TYR: variants seen among roughly 807,000 people sequenced by gnomAD.
TYR encodes LB24-AB.
TYR carries 58 observed loss-of-function variants against 51.5 expected under a neutral mutation model. That is an observed-to-expected ratio of 1.13 (90% confidence interval 0.91 to 1.40). The LOEUF is 1.40. Ranked by LOEUF, TYR falls within the 40% of genes most tolerant of loss-of-function variation. The probability of loss-of-function intolerance (pLI) is 0.00; values close to 1 mark genes in which losing one functional copy is unlikely to be tolerated. For missense variants in TYR, 732 were observed against 647.4 expected, an observed-to-expected ratio of 1.13 and a Z score of -1.42; for synonymous variants, 263 against 235.2, an observed-to-expected ratio of 1.12 and a Z score of -1.08.
chr11:89,278,077 T>C (rs1250749098), intron 3 of TYR, among the ~76,000 whole-genome samples: 1 of 151,682 alleles, frequency 6.6e-6, no homozygotes, highest in Non-Finnish European at 1.5e-5. Context: ...GACATATTGG[T>C]CAATTTTTAA....
intron 2 of TYR, among the ~76,000 whole-genome samples, chr11:89,222,066 C>G (rs6483004): frequency 6.6e-6 from 1 of 151,896 alleles, no homozygotes; most frequent in Non-Finnish European, 1.5e-5. Context: ...GGAACAGTTA[C>G]CAGGAAGAAA....
chr11:89,182,850 C>T (rs1027508841), intron 1 of TYR, among the ~76,000 whole-genome samples: 3 of 141,060 alleles, frequency 2.1e-5, no homozygotes, highest in Non-Finnish European at 3.0e-5. Flanking sequence ...GAATAGGTGT[C>T]ATCATGAACA....
At chr11:89,197,266 G>A (rs1304776414) in intron 2 of TYR, among the ~76,000 whole-genome samples, 8 of 152,080 alleles carry the variant, frequency 5.3e-5, no homozygotes, top group Non-Finnish European at 8.8e-5. Context: ...AGAAAAATCC[G>A]TGTATACCAG....
At chr11:89,229,015 A>G (rs575944830) in intron 3 of TYR, among the ~76,000 whole-genome samples, 76 of 152,266 alleles carry the variant, frequency 5.0e-4, no homozygotes, top group Non-Finnish European at 9.7e-4. Context: ...AGATAATACT[A>G]TCATCCTCTT....
At chr11:89,246,519 G>A (rs1944270116) in intron 3 of TYR, among the ~76,000 whole-genome samples, 1 of 152,142 alleles carries the variant, frequency 6.6e-6, no homozygotes, top group Admixed American at 6.5e-5. Flanking sequence ...TCACCTCACT[G>A]ATTCTCCCTT....
intron 2 of TYR, chr11:89,192,025 CTT>C (rs1943452285): frequency 2.2e-6 from 1 of 454,700 alleles, no homozygotes; most frequent in Non-Finnish European, 4.4e-6. Flanking sequence ...GCAGTGGGTT[CTT>C]TGAGGTAAGT....
At chr11:89,237,022 A>G (rs920268503) in intron 3 of TYR, among the ~76,000 whole-genome samples, 2 of 152,296 alleles carry the variant, frequency 1.3e-5, no homozygotes, top group Admixed American at 1.3e-4. Context: ...GGCAAATGGT[A>G]CACGTCAGGG....
intron 2 of TYR, among the ~76,000 whole-genome samples, chr11:89,216,528 C>T (rs1943834344): frequency 6.6e-6 from 1 of 151,270 alleles, no homozygotes; most frequent in Admixed American, 6.6e-5. Flanking sequence ...TGATGCACCC[C>T]TGTAGTCTCA....
At chr11:89,191,924 T>C (rs572082921) in intron 2 of TYR, 9 of 371,360 alleles carry the variant, frequency 2.4e-5, no homozygotes, top group African/African-American at 2.0e-4. Context: ...CAGAACATTT[T>C]GTATTGTGGA....
At chr11:89,246,772 G>A (rs1165314799) in intron 3 of TYR, among the ~76,000 whole-genome samples, 2 of 151,978 alleles carry the variant, frequency 1.3e-5, no homozygotes, top group East Asian at 3.9e-4. Flanking sequence ...TGCCAACTTG[G>A]CAGCCCAGAA....
intron 3 of TYR, among the ~76,000 whole-genome samples, chr11:89,267,184 C>G (rs1246012118): frequency 2.0e-5 from 3 of 151,802 alleles, no homozygotes; most frequent in Non-Finnish European, 4.4e-5. Context: ...TGTTGGAAAC[C>G]AGAAAGTATT....
chr11:89,219,792 G>A (rs1943884255), intron 2 of TYR, among the ~76,000 whole-genome samples: 1 of 152,108 alleles, frequency 6.6e-6, no homozygotes, highest in South Asian at 2.1e-4. Context: ...GGAGTCCTGT[G>A]ATAGGAAGCT....
intron 2 of TYR, among the ~76,000 whole-genome samples, chr11:89,220,786 C>G (rs1226358040): frequency 6.6e-6 from 1 of 151,886 alleles, no homozygotes; most frequent in East Asian, 1.9e-4. Flanking sequence ...CAAAACAAAA[C>G]AAAACAAAAA....
In TYR at chr11:89,241,712, T is replaced by C. The variant is rs189530570; in HGVS notation, c.1184+13742T>C. On this transcript the variant is annotated intron_variant, in intron 3 of 4. Transcript: ENST00000263321. Reference sequence around the variant, plus strand: ...ACTACAATTATATAAAGTATTGCAGTCCATTTGTATAGATGTTAATATAAT... The same window carrying C: ...ACTACAATTATATAAAGTATTGCAGCCCATTTGTATAGATGTTAATATAAT... Among the ~76,000 whole-genome samples the C allele has an allele frequency of 3.4e-3, 502 of 148,938 alleles. 4 individuals carry two copies. Among genetic ancestry groups the C allele is most frequent in the African/African-American group, 0.011 (440 of 41,004 alleles).
chr11:89,178,064 A>G lies in TYR; in HGVS notation c.111A>G (p.Pro37=). The stretch of plus-strand genomic sequence containing the variant: ...ACCTGATGGAGAAGGAATGCTGTCC[A>G]CCGTGGAGCGGGGACAGGAGTCCCT... The part of the protein sequence containing the change: ...SKNLMEKECC[P]PWSGDRSPCG... Residue 37 remains proline, a synonymous_variant, in exon 1 of 5, where the codon CCA becomes CCG. Transcript: ENST00000263321. 1 of 1,614,214 alleles carries G rather than the reference A, an allele frequency of 6.2e-7. No homozygotes were observed.
chr11:89,180,256 A>T (rs1443697223), intron 1 of TYR, among the ~76,000 whole-genome samples: 1 of 152,172 alleles, frequency 6.6e-6, no homozygotes, highest in Non-Finnish European at 1.5e-5. Context: ...GTTCCTGTTT[A>T]AAAAACTGCC....
chr11:89,246,411 C>T (rs1304235545), intron 3 of TYR, among the ~76,000 whole-genome samples: 3 of 152,140 alleles, frequency 2.0e-5, no homozygotes, highest in Non-Finnish European at 2.9e-5. Flanking sequence ...TTAACAAAGA[C>T]TAGCTCCTGT....
chr11:89,229,274 TG>T (rs201578660), intron 3 of TYR, among the ~76,000 whole-genome samples: 1,667 of 152,112 alleles, frequency 0.011, 32 homozygotes, highest in African/African-American at 0.038. Flanking sequence ...CAGAAATCAG[TG>T]TATAAGAACA....
chr11:89,240,436 T>A (rs368535292), intron 3 of TYR, among the ~76,000 whole-genome samples: 4 of 152,172 alleles, frequency 2.6e-5, no homozygotes, highest in African/African-American at 7.2e-5. Context: ...TGCTATTTTA[T>A]ATTACATTTT....
Sources: gnomAD v4.1 joint callset for allele counts (sites outside exome capture counted in the v4.1 genomes callset) on GRCh38, gnomAD v4.1.1 for gene constraint, MANE v1.5 for transcripts, NCBI Gene and HGNC (gene_info 2026-07-23, HGNC 2026-07-21) for gene names.